The following ZNF382 variants were observed in gnomAD, a reference collection of about 807,000 sequenced individuals.
The protein encoded by ZNF382 is zinc finger protein 382.
A neutral mutation model predicts 38.8 loss-of-function variants in ZNF382; 20 were observed. That is an observed-to-expected ratio of 0.51 (90% CI 0.36 to 0.75). The LOEUF is 0.75. ZNF382 is among the 30% of genes least tolerant of loss of function. ZNF382 has a pLI of 0.00. For synonymous variants in ZNF382, 202 were observed against 223.1 expected, an observed-to-expected ratio of 0.91 and a Z score of 0.84; for missense variants, 546 against 654.1, an observed-to-expected ratio of 0.83 and a Z score of 1.80.
intron 4 of ZNF382, among the ~76,000 whole-genome samples, chr19:36,620,063 A>T (rs536209684): frequency 6.6e-6 from 1 of 152,076 alleles, no homozygotes; most frequent in Admixed American, 6.6e-5. Context: ...TCAGAAAAAT[A>T]AAAATCATTG....
chr19:36,618,759 C>T (rs542861881), intron 4 of ZNF382, among the ~76,000 whole-genome samples: 1 of 152,188 alleles, frequency 6.6e-6, no homozygotes, highest in South Asian at 2.1e-4. Context: ...AGATGTCAGC[C>T]GGGCACAGTG....
rs55740014 is a variant in ZNF382 at position 36,618,033 on chromosome 19, G to A, written c.232+7291G>A. Among the ~76,000 whole-genome samples, 1,400 of 152,150 alleles carry A rather than the reference G, an allele frequency of 9.2e-3. 14 individuals are homozygous for A. Among genetic ancestry groups the A allele is most frequent in the Non-Finnish European group, 0.015 (1,020 of 67,976 alleles). On this transcript the variant is annotated intron_variant, in intron 4 of 4. Coordinates refer to ENST00000292928, the MANE Select transcript of ZNF382 (RefSeq NM_032825.5). ...TTGTTGTGCTTTGTTGCTTTGTTTT[G>A]TTTTCACCTAGCCCAGGACAAAAAT...
At chr19:36,621,073 T>C (rs1471767521) in intron 4 of ZNF382, among the ~76,000 whole-genome samples, 1 of 152,106 alleles carries the variant, frequency 6.6e-6, no homozygotes, top group Non-Finnish European at 1.5e-5. Context: ...CCCATAATCT[T>C]ATTTATTATT....
At chr19:36,610,372 A>C (rs1297803606) in intron 3 of ZNF382, 4 of 379,892 alleles carry the variant, frequency 1.1e-5, no homozygotes, top group Non-Finnish European at 1.9e-5. Flanking sequence ...CACGAGAACC[A>C]CTTGAACCTG....
chr19:36,619,591 C>T (rs543555246), intron 4 of ZNF382, among the ~76,000 whole-genome samples: 1 of 152,176 alleles, frequency 6.6e-6, no homozygotes, highest in African/African-American at 2.4e-5. Flanking sequence ...TAAGTAAACA[C>T]TGTTCACATG....
intron 1 of ZNF382, among the ~76,000 whole-genome samples, chr19:36,607,018 G>A (rs555301100): frequency 2.1e-4 from 32 of 150,960 alleles, no homozygotes; most frequent in South Asian, 1.3e-3. Context: ...TGGAGGTTGC[G>A]GTCAGTCAAG....
At chr19:36,625,573 C>T (rs1036908579) in intron 4 of ZNF382, among the ~76,000 whole-genome samples, 5 of 143,328 alleles carry the variant, frequency 3.5e-5, no homozygotes, top group South Asian at 4.4e-4. Context: ...TTGGGTGGGG[C>T]GGGGGGACAG....
chr19:36,608,103 A>G (rs138975954), intron 2 of ZNF382: 166 of 154,356 alleles, frequency 1.1e-3, no homozygotes, highest in African/African-American at 3.8e-3. Flanking sequence ...CATGGAGCAG[A>G]CGTGGAAAAA....
intron 1 of ZNF382, among the ~76,000 whole-genome samples, chr19:36,605,951 G>A (rs1485166601): frequency 6.6e-6 from 1 of 152,154 alleles, no homozygotes; most frequent in African/African-American, 2.4e-5. Flanking sequence ...ATGACAAGTG[G>A]GGCCTGTAGG....
intron 2 of ZNF382, chr19:36,609,155 A>C (rs1406118745): frequency 1.3e-5 from 2 of 152,238 alleles, no homozygotes; most frequent in Non-Finnish European, 2.9e-5. Context: ...TAGAATGTAT[A>C]AGACGGTCTA....
chr19:36,613,382 A>G (rs1252427660), intron 4 of ZNF382, among the ~76,000 whole-genome samples: 1 of 147,392 alleles, frequency 6.8e-6, no homozygotes, highest in African/African-American at 2.5e-5. Context: ...TTTTCTAGGT[A>G]TGGTGAGGAT....
At chr19:36,607,734 G>A in intron 2 of ZNF382, 112 bp downstream of exon 2, 1 of 1,190,442 alleles carries the variant, frequency 8.4e-7, no homozygotes, top group Admixed American at 2.8e-5. Context: ...CATGAAATTA[G>A]TCTTCAGTCA....
intron 1 of ZNF382, among the ~76,000 whole-genome samples, chr19:36,606,994 T>A (rs923307778): frequency 3.3e-5 from 5 of 151,384 alleles, no homozygotes; most frequent in Admixed American, 3.3e-4. Flanking sequence ...GGAGAATCGC[T>A]TGAACCCGGG....
intron 1 of ZNF382, among the ~76,000 whole-genome samples, chr19:36,606,875 C>T (rs558609581): frequency 3.2e-4 from 48 of 151,842 alleles, no homozygotes; most frequent in Non-Finnish European, 6.0e-4. Flanking sequence ...ATCGAGAATT[C>T]GAGACCAGCC....
chr19:36,611,990 C>T (rs1046525548), intron 4 of ZNF382, among the ~76,000 whole-genome samples: 2 of 152,092 alleles, frequency 1.3e-5, no homozygotes, highest in African/African-American at 4.8e-5. Context: ...TATTACCTTA[C>T]CAAGAATCTA....
intron 4 of ZNF382, among the ~76,000 whole-genome samples, chr19:36,616,276 G>A (rs1011183843): frequency 1.3e-5 from 2 of 152,158 alleles, no homozygotes; most frequent in African/African-American, 2.4e-5. Flanking sequence ...GAAGGCTGAA[G>A]CAGGAGAATC....
intron 4 of ZNF382, among the ~76,000 whole-genome samples, chr19:36,622,526 G>C (rs568027600): frequency 6.6e-6 from 1 of 152,258 alleles, no homozygotes; most frequent in East Asian, 1.9e-4. Flanking sequence ...ACTATGTGAC[G>C]ATACATACAG....
intron 2 of ZNF382, chr19:36,608,881 A>G (rs549634202): frequency 6.6e-6 from 1 of 152,210 alleles, no homozygotes; most frequent in Non-Finnish European, 1.5e-5. Flanking sequence ...TCCACTCTAC[A>G]GCCAATTTAC....
chr19:36,611,329 C>G (rs10407787), intron 4 of ZNF382, among the ~76,000 whole-genome samples: 2 of 152,114 alleles, frequency 1.3e-5, no homozygotes, highest in East Asian at 3.9e-4. Flanking sequence ...TTTATCCCTA[C>G]TCCCTAGCCA....
Sources: allele counts gnomAD v4.1 joint callset (sites outside exome capture counted in the v4.1 genomes callset), GRCh38; gene constraint gnomAD v4.1.1; transcripts MANE v1.5; gene names NCBI Gene and HGNC (gene_info 2026-07-23, HGNC 2026-07-21).